The following APBA1 variants were observed in gnomAD, a reference collection of about 807,000 sequenced individuals.
APBA1 encodes the protein amyloid-beta A4 precursor protein-binding family A member 1.
In APBA1, 55 loss-of-function variants were observed where a neutral mutation model predicts 86.6. The ratio of observed to expected loss-of-function variants is 0.64; its 90% CI spans 0.51 to 0.80. The LOEUF (loss-of-function observed/expected upper bound fraction) is 0.80, where lower values mean the gene tolerates loss of function less well. APBA1 is among the 30% of genes least tolerant of loss of function. The probability of loss-of-function intolerance (pLI) is 0.00; values close to 1 mark genes in which losing one functional copy is unlikely to be tolerated. For synonymous variants in APBA1, 511 were observed against 493.9 expected, an observed-to-expected ratio of 1.03 and a Z score of -0.46; for missense variants, 1,090 against 1,183.0, an observed-to-expected ratio of 0.92 and a Z score of 1.15.
intron 8 of APBA1, among the ~76,000 whole-genome samples, chr9:69,454,270 C>G (rs1273968037): frequency 6.6e-6 from 1 of 152,208 alleles, no homozygotes; most frequent in Non-Finnish European, 1.5e-5. Flanking sequence ...TATTGTAAAA[C>G]TGGAAGGAGT....
In APBA1 at chr9:69,617,371, G is replaced by A. The variant is rs148939443; in HGVS notation, c.-70+54782C>T. Among the ~76,000 whole-genome samples, 727 of 152,080 alleles carry A rather than the reference G, an allele frequency of 4.8e-3. 3 individuals are homozygous for A. The highest frequency in any genetic ancestry group is 8.1e-3 in the Non-Finnish European group (552 of 67,992). On this transcript the variant is annotated intron_variant, in intron 1 of 12. Coordinates refer to ENST00000265381, the MANE Select transcript of APBA1 (RefSeq NM_001163.4). ...GACTTCCATAAGCTGAATATCACAT[G>A]GAGGAGAAAATATATACTACCAACA...
chr9:69,463,579 T>C (rs1835227437), intron 5 of APBA1: 1 of 152,220 alleles, frequency 6.6e-6, no homozygotes, highest in Non-Finnish European at 1.5e-5. Context: ...TAAAGACTAC[T>C]TTGAAATGGA....
At chr9:69,588,689 A>G (rs184962982) in intron 1 of APBA1, among the ~76,000 whole-genome samples, 209 of 152,334 alleles carry the variant, frequency 1.4e-3, no homozygotes, top group African/African-American at 4.9e-3. Flanking sequence ...CTGCACCACA[A>G]TGATGATCAC....
intron 1 of APBA1, among the ~76,000 whole-genome samples, chr9:69,563,336 C>A (rs1836976164): frequency 4.5e-5 from 1 of 22,432 alleles, no homozygotes; most frequent in Non-Finnish European, 1.2e-4. Context: ...TACTAAATTT[C>A]TCTACTTTTA....
At chr9:69,591,615 G>A (rs903222548) in intron 1 of APBA1, among the ~76,000 whole-genome samples, 3 of 152,106 alleles carry the variant, frequency 2.0e-5, no homozygotes, top group South Asian at 2.1e-4. Context: ...GGCACTTCTC[G>A]GCCCAGAGGA....
At chr9:69,434,989 C>T (rs1834678789) in intron 11 of APBA1, among the ~76,000 whole-genome samples, 1 of 132,068 alleles carries the variant, frequency 7.6e-6, no homozygotes, top group Non-Finnish European at 1.6e-5. Context: ...TGTTCCCCTT[C>T]CTGTGTCCAT....
intron 6 of APBA1, among the ~76,000 whole-genome samples, chr9:69,457,925 A>T (rs2133817139): frequency 6.6e-6 from 1 of 152,328 alleles, no homozygotes; most frequent in African/African-American, 2.4e-5. Flanking sequence ...AGCGTCTCCA[A>T]TCTGCTCCCT....
chr9:69,570,368 G>A (rs1192586195), intron 1 of APBA1, among the ~76,000 whole-genome samples: 1 of 152,114 alleles, frequency 6.6e-6, no homozygotes, highest in African/African-American at 2.4e-5. Context: ...ATACAAAGAA[G>A]TCACAATCTG....
intron 1 of APBA1, among the ~76,000 whole-genome samples, chr9:69,589,692 T>A (rs1330334): frequency 6.6e-6 from 1 of 152,042 alleles, no homozygotes; most frequent in East Asian, 1.9e-4. Context: ...CTCAATTCAG[T>A]TAGCTTTCAA....
chr9:69,663,561 G>A (rs1823791505), intron 1 of APBA1, among the ~76,000 whole-genome samples: 1 of 152,176 alleles, frequency 6.6e-6, no homozygotes, highest in Non-Finnish European at 1.5e-5. Flanking sequence ...AAAATAAAGT[G>A]TGCCTGTTAA....
At chr9:69,434,920 T>C (rs1260921280) in intron 11 of APBA1, among the ~76,000 whole-genome samples, 1 of 149,896 alleles carries the variant, frequency 6.7e-6, no homozygotes, top group Admixed American at 6.6e-5. Context: ...GCATTAGGTA[T>C]ATCTCCTAAT....
chr9:69,650,695 A>G (rs1736516863), intron 1 of APBA1, among the ~76,000 whole-genome samples: 1 of 152,228 alleles, frequency 6.6e-6, no homozygotes, highest in South Asian at 2.1e-4. Context: ...TAAAGTAACA[A>G]AATCACATTC....
chr9:69,539,606 G>A (rs527343109), intron 1 of APBA1, among the ~76,000 whole-genome samples: 4 of 152,182 alleles, frequency 2.6e-5, no homozygotes, highest in South Asian at 2.1e-4. Context: ...GTTAGATCAC[G>A]TATCTCCTTG....
chr9:69,574,720 A>G (rs980452063), intron 1 of APBA1, among the ~76,000 whole-genome samples: 1 of 152,314 alleles, frequency 6.6e-6, no homozygotes, highest in East Asian at 1.9e-4. Flanking sequence ...TCTTTCATAG[A>G]AAGTGAAAAA....
At chr9:69,562,527 A>G (rs1160902811) in intron 1 of APBA1, among the ~76,000 whole-genome samples, 2 of 152,050 alleles carry the variant, frequency 1.3e-5, no homozygotes, top group Non-Finnish European at 2.9e-5. Flanking sequence ...GGCACACGCC[A>G]CCAAGCCCAG....
At chr9:69,619,746 T>C (rs1197331332) in intron 1 of APBA1, among the ~76,000 whole-genome samples, 1 of 152,070 alleles carries the variant, frequency 6.6e-6, no homozygotes, top group Non-Finnish European at 1.5e-5. Flanking sequence ...TAACACAGAG[T>C]CATGTCTTAA....
rs1836855405 is a variant in APBA1, at chr9:69,556,032, A to T, written c.-69-38753T>A. ...GGCAACAACAAAGAAAAAAAACAAAAACCAAACCACTTTCATATTTCTAGC... is the reference window on the plus strand; with the variant it reads ...GGCAACAACAAAGAAAAAAAACAAATACCAAACCACTTTCATATTTCTAGC... On this transcript the variant is annotated intron_variant, in intron 1 of 12. Coordinates refer to ENST00000265381, the MANE Select transcript of APBA1 (RefSeq NM_001163.4). 2.0e-5 allele frequency among the ~76,000 whole-genome samples: 3 copies of T among 152,204 alleles called. No individual in the cohort carries two copies. The South Asian group carries it at 6.2e-4, about 31-fold the overall frequency.
At position 69,516,254 on chromosome 9, in the gene APBA1, C is replaced by A; in HGVS notation, c.957G>T (p.Pro319=). ...GGCCCACCGCCCGCTGCTGCCCCGC[C>A]GGCGCCTGCAGCCCGGGGCTGTCGG... is the stretch of plus-strand genomic sequence containing the variant. The part of the protein sequence containing the change: ...GRPDSPGLQA[P]AGQQRAVGPA... Residue 319 remains proline, a synonymous_variant, in exon 2 of 13, where the codon CCG becomes CCT. Transcript: ENST00000265381. The surrounding 1 kb of genome is among the most constrained non-coding windows in gnomAD (Gnocchi z 7.3). 3 of 1,380,928 alleles carry A rather than the reference C, an allele frequency of 2.2e-6. No individual in the cohort carries two copies. The highest frequency in any genetic ancestry group is 1.7e-5 in the South Asian group (1 of 60,434). 85.5% of individuals were successfully genotyped at this position (1,380,928 alleles called of 1,614,324 possible). A position where few individuals can be genotyped will look rare whatever the true frequency, so the allele number is the denominator to read the frequency against.
At chr9:69,658,285 TC>T (rs1564104916) in intron 1 of APBA1, among the ~76,000 whole-genome samples, 1,334 of 31,772 alleles carry the variant, frequency 0.042, 37 homozygotes, top group South Asian at 0.084. Flanking sequence ...TCTTTCTTTC[TC>T]TCTCTCTTTC....
Sources: gnomAD v4.1 joint callset for allele counts (sites outside exome capture counted in the v4.1 genomes callset) on GRCh38, gnomAD v4.1.1 for gene constraint, Gnocchi (gnomAD v3.1) non-coding constraint, MANE v1.5 for transcripts, NCBI Gene and HGNC (gene_info 2026-07-23, HGNC 2026-07-21) for gene names.